The following FYN variants were observed in gnomAD, a reference collection of about 807,000 sequenced individuals.
The protein encoded by FYN is tyrosine-protein kinase Fyn.
In FYN, 10 loss-of-function variants were observed where a neutral mutation model predicts 70.2. That is an observed-to-expected ratio of 0.14 (90% CI 0.09 to 0.24). The LOEUF (loss-of-function observed/expected upper bound fraction) is 0.24, where lower values mean the gene tolerates loss of function less well. Among genes scored for constraint, FYN ranks in the 10% least tolerant of loss-of-function variants. The pLI, the probability that FYN is intolerant of heterozygous loss-of-function variation, is 1.00. For missense variants in FYN, 319 were observed against 673.1 expected, an observed-to-expected ratio of 0.47 and a Z score of 5.82; for synonymous variants, 236 against 248.6, an observed-to-expected ratio of 0.95 and a Z score of 0.48.
chr6:111,691,947 A>G (rs942319402), intron 12 of FYN, among the ~76,000 whole-genome samples: 2 of 151,956 alleles, frequency 1.3e-5, no homozygotes, highest in East Asian at 3.9e-4. Context: ...GTCTATTCCT[A>G]TTGTTTCCCT....
intron 1 of FYN, among the ~76,000 whole-genome samples, chr6:111,865,860 C>T (rs1222520855): frequency 1.3e-5 from 2 of 152,138 alleles, no homozygotes; most frequent in African/African-American, 2.4e-5. Context: ...ACAGGGTTAA[C>T]GTCAGAATGC....
At chr6:111,800,576 T>G (rs980652009) in intron 2 of FYN, among the ~76,000 whole-genome samples, 1 of 152,254 alleles carries the variant, frequency 6.6e-6, no homozygotes. Context: ...GCTTCCTAAA[T>G]CTGTCACAGG....
chr6:111,808,509 T>C (rs1162040929), intron 2 of FYN, among the ~76,000 whole-genome samples: 2 of 152,192 alleles, frequency 1.3e-5, no homozygotes, highest in African/African-American at 2.4e-5. Flanking sequence ...TGTGGGTAGA[T>C]ATTCTGACCT....
At chr6:111,699,134 TA>T (rs757068725) in intron 9 of FYN, among the ~76,000 whole-genome samples, 4 of 152,144 alleles carry the variant, frequency 2.6e-5, no homozygotes, top group East Asian at 3.9e-4. Context: ...AACTGAGGCT[TA>T]AAGGAGTTAA....
chr6:111,863,564 T>C (rs1211141766), intron 1 of FYN, among the ~76,000 whole-genome samples: 1 of 152,218 alleles, frequency 6.6e-6, no homozygotes, highest in Non-Finnish European at 1.5e-5. Context: ...TGGGCTTTGT[T>C]GTGGGAAAGG....
In FYN at chr6:111,745,579, C is replaced by T. The variant is rs554897951; in HGVS notation, c.-11-25517G>A. Among the ~76,000 whole-genome samples, 3 of 152,266 alleles carry T rather than the reference C, an allele frequency of 2.0e-5. No individual in the cohort carries two copies. In the East Asian group the frequency reaches 5.8e-4, roughly 29 times the overall value. On this transcript the variant is annotated intron_variant, in intron 3 of 13. Coordinates refer to ENST00000354650, the MANE Select transcript of FYN (RefSeq NM_002037.5). Reference sequence around the variant, plus strand: ...GCCAAGAATGAGCGAATGCAGGTAACTAGAGAGTTAAGCAGGGCCCAAATG... The same window carrying T: ...GCCAAGAATGAGCGAATGCAGGTAATTAGAGAGTTAAGCAGGGCCCAAATG...
intron 1 of FYN, among the ~76,000 whole-genome samples, chr6:111,867,527 C>T (rs991443643): frequency 6.6e-6 from 1 of 151,078 alleles, no homozygotes; most frequent in Non-Finnish European, 1.5e-5. Flanking sequence ...ATTTACCTGC[C>T]TATGAGCTAC....
intron 3 of FYN, among the ~76,000 whole-genome samples, chr6:111,746,694 G>A (rs1313601312): frequency 6.6e-6 from 1 of 152,164 alleles, no homozygotes; most frequent in Non-Finnish European, 1.5e-5. Flanking sequence ...GTAAGTTCTG[G>A]TGAAGTCACC....
intron 12 of FYN, among the ~76,000 whole-genome samples, chr6:111,680,274 C>T (rs990964939): frequency 1.3e-5 from 2 of 151,956 alleles, no homozygotes; most frequent in African/African-American, 4.8e-5. Context: ...GCCAGGAGGA[C>T]GAAAGGGAAC....
At chr6:111,867,071 C>T (rs1774128001) in intron 1 of FYN, among the ~76,000 whole-genome samples, 1 of 152,230 alleles carries the variant, frequency 6.6e-6, no homozygotes, top group Non-Finnish European at 1.5e-5. Context: ...CCTGGGCTTG[C>T]TCTCTGCCCT....
At position 111,674,770 on chromosome 6, in the gene FYN, G is replaced by A; in HGVS notation, c.1274-140C>T. On this transcript the variant is annotated intron_variant, in intron 12 of 13. Coordinates refer to ENST00000354650, the MANE Select transcript of FYN (RefSeq NM_002037.5). ...GACAGAAAGGAGGTGAAGCAGGAAT[G>A]GGCTGGGATTGGGAAGATGTAGGGT... is the stretch of plus-strand genomic sequence containing the variant. 8 of 900,848 alleles carry A rather than the reference G, an allele frequency of 8.9e-6. 1 individual carries two copies. The highest frequency in any genetic ancestry group is 1.2e-5 in the Non-Finnish European group (7 of 602,018). 55.8% of individuals were successfully genotyped at this position (900,848 alleles called of 1,614,324 possible).
chr6:111,849,282 C>T (rs1773617729), intron 1 of FYN, among the ~76,000 whole-genome samples: 1 of 152,226 alleles, frequency 6.6e-6, no homozygotes, highest in Non-Finnish European at 1.5e-5. Flanking sequence ...AAATGAACTA[C>T]TTCCAACTGC....
intron 6 of FYN, among the ~76,000 whole-genome samples, chr6:111,704,480 A>G (rs956466799): frequency 7.9e-5 from 12 of 152,214 alleles, no homozygotes; most frequent in Admixed American, 7.9e-4. Context: ...TAGTCTGGGC[A>G]TGGTGGCTCA....
At chr6:111,777,181 T>C (rs1350784824) in intron 3 of FYN, among the ~76,000 whole-genome samples, 2 of 152,274 alleles carry the variant, frequency 1.3e-5, no homozygotes, top group Non-Finnish European at 2.9e-5. Flanking sequence ...ACCGTCATTC[T>C]GTATAAGCCG....
At chr6:111,681,035 T>TA (rs1325196326) in intron 12 of FYN, among the ~76,000 whole-genome samples, 4 of 150,260 alleles carry the variant, frequency 2.7e-5, no homozygotes, top group Non-Finnish European at 5.9e-5. Flanking sequence ...TAATTTAATT[T>TA]TTTTTTTTTT....
rs117683047 is a variant in FYN at position 111,827,497 on chromosome 6, T to C, written c.-82+19092A>G. 3.0e-4 allele frequency among the ~76,000 whole-genome samples: 45 copies of C among 152,290 alleles called. No homozygotes were observed. In the East Asian group the frequency reaches 7.9e-3, roughly 27 times the overall value. ...TGTGTAGAGGAACAACACTGGGGATTTGAGGTGTTCAATCATGTAATGCCC... is the reference window on the plus strand; with the variant it reads ...TGTGTAGAGGAACAACACTGGGGATCTGAGGTGTTCAATCATGTAATGCCC... On this transcript the variant is annotated intron_variant, in intron 2 of 13. Coordinates refer to ENST00000354650, the MANE Select transcript of FYN (RefSeq NM_002037.5).
chr6:111,744,830 A>G (rs1802135679), intron 3 of FYN, among the ~76,000 whole-genome samples: 3 of 152,182 alleles, frequency 2.0e-5, no homozygotes, highest in Admixed American at 1.3e-4. Context: ...ACCTAACAAT[A>G]AATATGCTTT....
Position 111,694,257 on chromosome 6 carries a change from A to G in FYN, c.1273+118T>C, listed in dbSNP as rs1799476938. The stretch of plus-strand genomic sequence containing the variant: ...AGATCAAGGTGTCCAAACCAAGCTG[A>G]AGAATGACATTTCAAGTATTTTCTG... On this transcript the variant is annotated intron_variant, in intron 12 of 13. Transcript: ENST00000354650. This position sits in a 1 kb window ranked among gnomAD's most constrained non-coding sequence, Gnocchi z 5.0. 2 of 1,353,196 alleles carry G rather than the reference A, an allele frequency of 1.5e-6. No homozygotes were observed. The highest frequency in any genetic ancestry group is 2.1e-6 in the Non-Finnish European group (2 of 973,332). The allele number at this position is 1,353,196 out of a possible 1,614,324, so 83.8% of individuals were successfully genotyped here.
At chr6:111,791,215 G>C (rs1304990332) in intron 2 of FYN, among the ~76,000 whole-genome samples, 1 of 152,092 alleles carries the variant, frequency 6.6e-6, no homozygotes, top group Non-Finnish European at 1.5e-5. Context: ...AACAGACCAA[G>C]AGAATAAAAT....
Sources: gnomAD v4.1 joint callset for allele counts (sites outside exome capture counted in the v4.1 genomes callset) on GRCh38, gnomAD v4.1.1 for gene constraint, Gnocchi (gnomAD v3.1) non-coding constraint, MANE v1.5 for transcripts, NCBI Gene and HGNC (gene_info 2026-07-23, HGNC 2026-07-21) for gene names.